PAFAH1B2: variants seen among roughly 807,000 people sequenced by gnomAD.
PAFAH1B2 encodes the protein platelet-activating factor acetylhydrolase IB subunit alpha2.
A neutral mutation model predicts 28.0 loss-of-function variants in PAFAH1B2; 8 were observed. That is an observed-to-expected ratio of 0.29 (90% CI 0.17 to 0.52). PAFAH1B2 has a LOEUF of 0.52. Among genes scored for constraint, PAFAH1B2 ranks in the 20% least tolerant of loss-of-function variants. The probability of loss-of-function intolerance (pLI) is 0.97; values close to 1 mark genes in which losing one functional copy is unlikely to be tolerated. For missense variants in PAFAH1B2, 190 were observed against 282.6 expected, an observed-to-expected ratio of 0.67 and a Z score of 2.35; for synonymous variants, 104 against 103.2, an observed-to-expected ratio of 1.01 and a Z score of -0.05.
chr11:117,170,131 T>G lies in PAFAH1B2; in HGVS notation c.*2432T>G. 9.5e-7 allele frequency: 1 copy of G among 1,054,752 alleles called. No individual in the cohort carries two copies. Among genetic ancestry groups the G allele is most frequent in the Non-Finnish European group, 1.1e-6 (1 of 872,646 alleles). 65.3% of individuals were successfully genotyped at this position (1,054,752 alleles called of 1,614,324 possible). A position where few individuals can be genotyped will look rare whatever the true frequency, so the allele number is the denominator to read the frequency against. ...TTCTTTGCACTACTTTAGGTAAAAA[T>G]AGTTAATCTATTTTTCTTTGACATC... On this transcript the variant is annotated 3_prime_UTR_variant, in exon 6 of 6. Transcript: ENST00000527958.
chr11:117,152,990 C>T (rs143494314), intron 2 of PAFAH1B2, among the ~76,000 whole-genome samples: 8,154 of 152,212 alleles, frequency 0.054, 257 homozygotes, highest in Middle Eastern at 0.1. Context: ...CGCTTGAACC[C>T]AGGAGGCGGA....
downstream of PAFAH1B2, chr11:117,176,025 A>G (rs1378846380): frequency 3.8e-6 from 4 of 1,043,054 alleles, no homozygotes; most frequent in East Asian, 7.8e-5. Context: ...ATGATGAAGA[A>G]ACCTCTTTTG....
chr11:117,154,737 C>T (rs1956224234), intron 2 of PAFAH1B2, among the ~76,000 whole-genome samples: 1 of 152,090 alleles, frequency 6.6e-6, no homozygotes. Flanking sequence ...AGCCACCGTG[C>T]CTGACTTTAA....
At chr11:117,160,124 T>C in intron 3 of PAFAH1B2, 101 bp downstream of exon 3, 1 of 844,968 alleles carries the variant, frequency 1.2e-6, no homozygotes, top group South Asian at 1.4e-5. Context: ...TTTGTGACTC[T>C]TAGAGAAGCC....
chr11:117,155,114 G>A (rs546496733), intron 2 of PAFAH1B2, among the ~76,000 whole-genome samples: 33 of 152,114 alleles, frequency 2.2e-4, no homozygotes, highest in African/African-American at 7.5e-4. Context: ...CTCCATGCCC[G>A]GCTAATTTTT....
chr11:117,158,912 T>A (rs1435069556), intron 2 of PAFAH1B2, among the ~76,000 whole-genome samples: 1 of 152,216 alleles, frequency 6.6e-6, no homozygotes, highest in African/African-American at 2.4e-5. Context: ...CCCAAAGTGC[T>A]GGGATTACCG....
chr11:117,175,350 A>G (rs532169125), downstream of PAFAH1B2: 40 of 1,069,598 alleles, frequency 3.7e-5, no homozygotes, highest in Non-Finnish European at 4.5e-5. Flanking sequence ...CTCCCAGTGG[A>G]CAGACCTCAG....
chr11:117,164,863 G>A lies in PAFAH1B2; in HGVS notation c.411+971G>A, dbSNP rs149378955. 6.0e-3 allele frequency among the ~76,000 whole-genome samples: 907 copies of A among 151,738 alleles called. 18 individuals are homozygous for A. The highest frequency in any genetic ancestry group is 0.049 in the East Asian group (248 of 5,092). The stretch of plus-strand genomic sequence containing the variant: ...AGCCTGGCCAAGATGGTGAAACTTC[G>A]TCTCTACTAAAAATACAAAAAAATT... On this transcript the variant is annotated intron_variant, in intron 5 of 5. Transcript: ENST00000527958.
chr11:117,174,419 G>A (rs1956736441), downstream of PAFAH1B2, among the ~76,000 whole-genome samples: 1 of 151,874 alleles, frequency 6.6e-6, no homozygotes, highest in Admixed American at 6.6e-5. Flanking sequence ...CCTGACCTCA[G>A]GTGATCCACC....
At chr11:117,177,395 T>C (rs2030041885), downstream of PAFAH1B2, among the ~76,000 whole-genome samples, 1 of 152,242 alleles carries the variant, frequency 6.6e-6, no homozygotes, top group African/African-American at 2.4e-5. Context: ...TTTTTAAAAT[T>C]GTAATTCAAA....
chr11:117,151,624 G>C (rs1038095294), intron 1 of PAFAH1B2, among the ~76,000 whole-genome samples: 1 of 152,066 alleles, frequency 6.6e-6, no homozygotes, highest in Non-Finnish European at 1.5e-5. Context: ...GACTACTTTT[G>C]TCATAATCTG....
At chr11:117,171,621 G>C, downstream of PAFAH1B2, 1 of 1,173,702 alleles carries the variant, frequency 8.5e-7, no homozygotes, top group South Asian at 1.3e-5. Flanking sequence ...TACGTCCCCA[G>C]GGTAAAGCAG....
rs1184983432 is a variant in PAFAH1B2 at position 117,144,312 on chromosome 11, C to A, written c.-114C>A. 7.6e-6 allele frequency: 3 copies of A among 395,346 alleles called. No homozygotes were observed. The highest frequency in any genetic ancestry group is 4.3e-5 in the African/African-American group (2 of 46,628). 24.5% of individuals were successfully genotyped at this position (395,346 alleles called of 1,614,324 possible). On this transcript the variant is annotated 5_prime_UTR_variant, in exon 1 of 6. Coordinates refer to ENST00000527958, the MANE Select transcript of PAFAH1B2 (RefSeq NM_002572.4). Reference sequence around the variant, plus strand: ...GGAGGAGCTGCTGCTGGTGCTGGGGCCGGAGGAGGGACGCGCCGGAGCGGG... The same window carrying A: ...GGAGGAGCTGCTGCTGGTGCTGGGGACGGAGGAGGGACGCGCCGGAGCGGG...
intron 3 of PAFAH1B2, 78 bp downstream of exon 3, chr11:117,160,101 C>A: frequency 2.0e-6 from 2 of 996,682 alleles, no homozygotes; most frequent in South Asian, 1.3e-5. Flanking sequence ...TCATTCTGAG[C>A]TGAACTTACT....
At chr11:117,159,676 A>G (rs1415960815) in intron 2 of PAFAH1B2, 4 of 357,428 alleles carry the variant, frequency 1.1e-5, no homozygotes, top group African/African-American at 6.2e-5. Flanking sequence ...CAGAAGTTGC[A>G]GTGAGCCAAG....
At chr11:117,176,096 AG>A in exon 6 of PAFAH1B2, 1 of 657,738 alleles carries the variant, frequency 1.5e-6, no homozygotes, top group Non-Finnish European at 2.7e-6. Context: ...TACTGGACCA[AG>A]GTGCAAACTT....
chr11:117,161,752 C>T (rs528846153), intron 4 of PAFAH1B2, among the ~76,000 whole-genome samples: 5 of 152,068 alleles, frequency 3.3e-5, no homozygotes, highest in South Asian at 2.1e-4. Context: ...GTGATCCACC[C>T]GCTTCGGCCT....
At position 117,176,808 on chromosome 11, in the gene PAFAH1B2, C is replaced by T. The variant is rs117023969; in HGVS notation, c.*1910C>T. The T allele has an allele frequency of 7.5e-3, 1,037 of 139,136 alleles. 5 individuals carry two copies. The highest frequency in any genetic ancestry group is 9.1e-3 in the Non-Finnish European group (608 of 66,562). The allele number at this position is 139,136 out of a possible 1,614,324, so 8.6% of individuals were successfully genotyped here. On this transcript the variant is annotated 3_prime_UTR_variant, in exon 6 of 6. Transcript: ENST00000419197. ...AGGAGCATCGCCTGAACTCAGGAGG[C>T]GGAGATTGCAGTGAGCTGAGATCAC...
chr11:117,149,163 G>A (rs1047321241), intron 1 of PAFAH1B2, among the ~76,000 whole-genome samples: 2 of 151,354 alleles, frequency 1.3e-5, no homozygotes, highest in Non-Finnish European at 2.9e-5. Context: ...GATTACAGGC[G>A]TGAGCCACTG....
Sources: gnomAD v4.1 joint callset for allele counts (sites outside exome capture counted in the v4.1 genomes callset) on GRCh38, gnomAD v4.1.1 for gene constraint, MANE v1.5 for transcripts, NCBI Gene and HGNC (gene_info 2026-07-23, HGNC 2026-07-21) for gene names.